OTOA: variants seen among roughly 807,000 people sequenced by gnomAD.
OTOA encodes otoancorin, also known as cancer/testis antigen 108.
OTOA carries 70 observed loss-of-function variants against 110.8 expected under a neutral mutation model. The observed-to-expected ratio is 0.63, with a 90% CI of 0.52 to 0.77. OTOA has a LOEUF of 0.77. Among genes scored for constraint, OTOA ranks in the 30% least tolerant of loss-of-function variants. OTOA has a pLI of 0.00. For synonymous variants in OTOA, 373 were observed against 431.5 expected (o/e 0.86, Z 1.68); for missense variants, 917 against 1,075.8 (o/e 0.85, Z 2.06).
chr16:21,722,255 G>C (rs975485457), intron 17 of OTOA, among the ~76,000 whole-genome samples: 7 of 131,138 alleles, frequency 5.3e-5, no homozygotes, highest in African/African-American at 1.4e-4. Context: ...GAGTGAGACT[G>C]TCTCAAAAAA....
intron 1 of OTOA, among the ~76,000 whole-genome samples, chr16:21,666,243 ATTT>A (rs61085785): frequency 1.2e-4 from 15 of 129,008 alleles, no homozygotes; most frequent in Non-Finnish European, 9.9e-5. Flanking sequence ...ATGAAATGGC[ATTT>A]TTTTTTTTTT....
chr16:21,675,923 T>C (rs1031567095), intron 1 of OTOA, among the ~76,000 whole-genome samples: 1 of 152,196 alleles, frequency 6.6e-6, no homozygotes, highest in Admixed American at 6.5e-5. Flanking sequence ...GTAATTTTTA[T>C]TTATTTATTA....
intron 14 of OTOA, 89 bp from the exon 15 acceptor site, chr16:21,716,817 AT>A (rs1898568786): frequency 1.3e-6 from 2 of 1,521,590 alleles, no homozygotes; most frequent in African/African-American, 2.7e-5. Flanking sequence ...GGTCTGATGG[AT>A]TTTATTGCCT....
chr16:21,709,751 A>T, intron 12 of OTOA, 137 bp from the exon 13 acceptor site: 1 of 778,250 alleles, frequency 1.3e-6, no homozygotes, highest in Non-Finnish European at 2.2e-6. Context: ...CCTTTCCTTC[A>T]TCGTTTCTGA....
intron 19 of OTOA, chr16:21,727,170 C>A: frequency 6.1e-6 from 1 of 164,500 alleles, no homozygotes. Flanking sequence ...GTGTGTACCA[C>A]TACACCCGGT....
chr16:21,678,782 G>C lies in OTOA; in HGVS notation c.92-133G>C, dbSNP rs997853901. 4.7e-5 allele frequency: 59 copies of C among 1,256,776 alleles called. No individual in the cohort carries two copies. In the Admixed American group the frequency reaches 9.4e-4, roughly 20 times the overall value. 77.9% of individuals were successfully genotyped at this position (1,256,776 alleles called of 1,614,324 possible). A position where few individuals can be genotyped will look rare whatever the true frequency, so the allele number is the denominator to read the frequency against. ...TTCAAGCCACGGTTTTCTCAGAGTG[G>C]ACAGTTATAATTAAAATTCACTAAA... On this transcript the variant is annotated intron_variant, in intron 2 of 28. Coordinates refer to ENST00000646100, the MANE Select transcript of OTOA (RefSeq NM_144672.4).
chr16:21,692,685 G>A lies in OTOA; in HGVS notation c.739+998G>A, dbSNP rs1439064746. 3.9e-5 allele frequency among the ~76,000 whole-genome samples: 6 copies of A among 152,080 alleles called. No individual in the cohort carries two copies. The East Asian group carries it at 5.8e-4, about 15-fold the overall frequency. ...GCTCATGCCTACAATCCAGCACTTT[G>A]GGAGGCTGAGTCAGGCAGATCAACT... On this transcript the variant is annotated intron_variant, in intron 9 of 28. Coordinates refer to ENST00000646100, the MANE Select transcript of OTOA (RefSeq NM_144672.4).
At chr16:21,727,861 C>CTTT (rs1247263694) in intron 19 of OTOA, among the ~76,000 whole-genome samples, 2 of 133,900 alleles carry the variant, frequency 1.5e-5, no homozygotes, top group Non-Finnish European at 1.6e-5. Flanking sequence ...GGGATCGGAA[C>CTTT]TTTTTTTTTT....
intron 27 of OTOA, among the ~76,000 whole-genome samples, chr16:21,756,434 T>C (rs1597871452): frequency 6.6e-6 from 1 of 152,018 alleles, no homozygotes; most frequent in East Asian, 1.9e-4. Context: ...CTCACATTTA[T>C]CCCCAAAGCC....
At chr16:21,707,629 C>CTTTCTTTCT (rs1555499033) in intron 12 of OTOA, among the ~76,000 whole-genome samples, 8 of 97,522 alleles carry the variant, frequency 8.2e-5, no homozygotes, top group African/African-American at 2.5e-4. Flanking sequence ...TTCTTTCTTT[C>CTTTCTTTCT]TTTCTTTCTT....
chr16:21,736,381 C>A lies in OTOA; in HGVS notation c.2422C>A (p.Pro808Thr), dbSNP rs775622617. The A allele has an allele frequency of 6.8e-6, 11 of 1,613,994 alleles. No individual in the cohort carries two copies. The highest frequency in any genetic ancestry group is 6.8e-6 in the Non-Finnish European group (8 of 1,180,020). The change falls in exon 22 of 29, where the codon CCT becomes ACT. Residue 808 changes from proline to threonine, a missense_variant. Around this residue, in one of 6 missense-constraint regions of OTOA, gnomAD observed 57 missense variants for 59.7 expected, o/e 0.96. Transcript: ENST00000646100. ...NSSDKIPSYD[P>T]MPGCHGVVAP... ...CAGTGATAAGATCCCCAGCTATGAC[C>A]CTATGCCTGGTGAGTGTTTTCAGGG...
At chr16:21,672,588 A>C (rs1437053855) in intron 1 of OTOA, among the ~76,000 whole-genome samples, 1 of 147,240 alleles carries the variant, frequency 6.8e-6, no homozygotes, top group Non-Finnish European at 1.5e-5. Flanking sequence ...GCGCCACTAC[A>C]CTCCAGCCTG....
intron 1 of OTOA, among the ~76,000 whole-genome samples, chr16:21,666,080 C>T (rs1377358673): frequency 6.6e-6 from 1 of 152,046 alleles, no homozygotes; most frequent in East Asian, 1.9e-4. Flanking sequence ...ACCTTGGCCT[C>T]CCAAAGTGCT....
intron 5 of OTOA, among the ~76,000 whole-genome samples, chr16:21,680,758 C>A (rs1436316959): frequency 6.7e-6 from 1 of 150,260 alleles, no homozygotes; most frequent in East Asian, 2.0e-4. Flanking sequence ...AAGGCTGAGG[C>A]AGGAGAATCG....
At chr16:21,730,677 C>T (rs1200891428) in intron 20 of OTOA, 160 bp from the exon 21 acceptor site, 2 of 622,442 alleles carry the variant, frequency 3.2e-6, no homozygotes, top group Admixed American at 2.2e-5. Flanking sequence ...ATTGGTCAGC[C>T]TGCATCACAT....
chr16:21,721,232 T>TACACACACACAC (rs35961471), intron 17 of OTOA: 6 of 372,402 alleles, frequency 1.6e-5, no homozygotes, highest in East Asian at 7.8e-5. Context: ...ACATAATTAT[T>TACACACACACAC]ACACACACAC....
intron 28 of OTOA, among the ~76,000 whole-genome samples, chr16:21,757,851 C>T (rs915782561): frequency 6.6e-6 from 1 of 152,114 alleles, no homozygotes; most frequent in Non-Finnish European, 1.5e-5. Context: ...CTCCTGACCT[C>T]AGGTCATCTG....
chr16:21,760,072 A>AG (rs1399758602), intron 28 of OTOA, among the ~76,000 whole-genome samples: 2 of 151,914 alleles, frequency 1.3e-5, no homozygotes, highest in African/African-American at 4.8e-5. Context: ...CAAGGGCCTA[A>AG]GTGAGGGCTG....
At chr16:21,731,860 G>C (rs995802384) in intron 21 of OTOA, among the ~76,000 whole-genome samples, 3 of 152,208 alleles carry the variant, frequency 2.0e-5, no homozygotes, top group Non-Finnish European at 4.4e-5. Context: ...ACTTCACCTA[G>C]GATCACACGC....
Sources: allele counts gnomAD v4.1 joint callset (sites outside exome capture counted in the v4.1 genomes callset), GRCh38; gene constraint gnomAD v4.1.1; regional missense constraint gnomAD v4.1.1; transcripts MANE v1.5; gene names NCBI Gene and HGNC (gene_info 2026-07-23, HGNC 2026-07-21).